FAM13A: variants seen among roughly 807,000 people sequenced by gnomAD.
FAM13A encodes family with sequence similarity 13 member A.
FAM13A carries 76 observed loss-of-function variants against 129.6 expected under a neutral mutation model. The ratio of observed to expected loss-of-function variants is 0.59; its 90% CI spans 0.49 to 0.71. The LOEUF (loss-of-function observed/expected upper bound fraction) is 0.71. Among genes scored for constraint, FAM13A ranks in the 30% least tolerant of loss-of-function variants. The pLI is 0.00. For missense variants in FAM13A, 1,108 were observed against 1,249.3 expected (o/e 0.89, Z 1.70); for synonymous variants, 443 against 449.9 (o/e 0.98, Z 0.20).
intron 1 of FAM13A, among the ~76,000 whole-genome samples, chr4:89,048,714 C>T (rs908414216): frequency 6.6e-6 from 1 of 152,040 alleles, no homozygotes; most frequent in African/African-American, 2.4e-5. Context: ...ATTCCATATT[C>T]CTCAGTCTAA....
chr4:88,984,363 G>A (rs1761990168), intron 4 of FAM13A, among the ~76,000 whole-genome samples: 1 of 151,498 alleles, frequency 6.6e-6, no homozygotes, highest in South Asian at 2.1e-4. Context: ...GCAACTTATA[G>A]AATAGAAGAA....
intron 4 of FAM13A, among the ~76,000 whole-genome samples, chr4:88,947,304 G>A (rs1756064112): frequency 6.6e-6 from 1 of 152,168 alleles, no homozygotes; most frequent in Admixed American, 6.5e-5. Context: ...CCAGCTACTT[G>A]GGAGGCTAAA....
chr4:88,788,613 A>C (rs1462529326), intron 9 of FAM13A, among the ~76,000 whole-genome samples: 1 of 152,196 alleles, frequency 6.6e-6, no homozygotes, highest in African/African-American at 2.4e-5. Context: ...ACACATAAGC[A>C]CAAAGTGCTG....
At chr4:88,771,497 T>G (rs577827538) in intron 11 of FAM13A, among the ~76,000 whole-genome samples, 10 of 152,288 alleles carry the variant, frequency 6.6e-5, no homozygotes, top group Admixed American at 4.6e-4. Flanking sequence ...TTAAACTGTT[T>G]TATGTCCCAA....
rs967043278 is a variant in FAM13A, at chr4:88,983,102, C to A, written c.605+7871G>T. ...CAACTTGATGGCAGTTCAACTTCTG[C>A]CTAATCCTACCTTCCTCTGTTCCTT... On this transcript the variant is annotated intron_variant, in intron 4 of 23. Transcript: ENST00000264344. Among the ~76,000 whole-genome samples the A allele has an allele frequency of 2.0e-5, 3 of 152,098 alleles. No homozygotes were observed. In the South Asian group the frequency reaches 6.2e-4, roughly 32 times the overall value.
At chr4:88,786,930 G>A (rs1043538488) in intron 10 of FAM13A, among the ~76,000 whole-genome samples, 3 of 151,814 alleles carry the variant, frequency 2.0e-5, no homozygotes, top group Non-Finnish European at 4.4e-5. Context: ...GCTAGGGTCT[G>A]GTTCAGGTTA....
chr4:88,982,622 A>T (rs563222292), intron 4 of FAM13A, among the ~76,000 whole-genome samples: 1 of 152,332 alleles, frequency 6.6e-6, no homozygotes, highest in East Asian at 1.9e-4. Flanking sequence ...AAACCACTGA[A>T]AATCCAATAC....
intron 4 of FAM13A, among the ~76,000 whole-genome samples, chr4:88,952,800 T>A (rs573888805): frequency 6.6e-6 from 1 of 151,750 alleles, no homozygotes; most frequent in Non-Finnish European, 1.5e-5. Flanking sequence ...ACACAAAAAT[T>A]AGCTGGGTGT....
rs183529793 is a variant in FAM13A at position 88,842,876 on chromosome 4, G to A, written c.1007+8144C>T. On this transcript the variant is annotated intron_variant, in intron 7 of 23. Transcript: ENST00000264344. ...CAAAATTCAAGTAGTCATAGCAATTGTATTGAAGGGCAGATTTTTGTGAAT... is the reference window on the plus strand; with the variant it reads ...CAAAATTCAAGTAGTCATAGCAATTATATTGAAGGGCAGATTTTTGTGAAT... 2.6e-5 allele frequency among the ~76,000 whole-genome samples: 4 copies of A among 152,286 alleles called. No homozygotes were observed. In the East Asian group the frequency reaches 7.7e-4, roughly 29 times the overall value.
At position 89,023,954 on chromosome 4, in the gene FAM13A, T is replaced by C. The variant is rs74509864; in HGVS notation, c.218-3285A>G. ...CAGAAAAGGGGGATATTTGGATGAC[T>C]TCATGAAGCAGAGTTACTCTCATAC... On this transcript the variant is annotated intron_variant, in intron 2 of 23. Transcript: ENST00000264344. Among the ~76,000 whole-genome samples the C allele has an allele frequency of 4.7e-3, 712 of 152,332 alleles. 8 individuals carry two copies. The highest frequency in any genetic ancestry group is 0.016 in the African/African-American group (665 of 41,570).
intron 14 of FAM13A, among the ~76,000 whole-genome samples, chr4:88,758,386 C>T (rs369908761): frequency 4.7e-4 from 71 of 152,030 alleles, no homozygotes; most frequent in African/African-American, 1.5e-3. Context: ...GTGGGAGGAT[C>T]GCGCCACAGA....
intron 11 of FAM13A, among the ~76,000 whole-genome samples, chr4:88,770,051 C>G (rs1720325332): frequency 6.6e-6 from 1 of 152,064 alleles, no homozygotes; most frequent in African/African-American, 2.4e-5. Context: ...AAGACACTGT[C>G]CCAAAAACAG....
chr4:88,935,885 A>G (rs575212417), intron 5 of FAM13A, among the ~76,000 whole-genome samples: 22 of 152,274 alleles, frequency 1.4e-4, no homozygotes, highest in African/African-American at 3.9e-4. Context: ...CCCTTGTCAC[A>G]TTCTCTACTT....
chr4:88,822,963 A>G (rs1288494400), intron 7 of FAM13A: 1 of 1,612,068 alleles, frequency 6.2e-7, no homozygotes. Flanking sequence ...AAAATAAAAT[A>G]GGAAAATACT....
At chr4:88,893,333 A>C (rs931554287) in intron 6 of FAM13A, among the ~76,000 whole-genome samples, 1 of 152,094 alleles carries the variant, frequency 6.6e-6, no homozygotes, top group Admixed American at 6.6e-5. Context: ...GTACAATAAG[A>C]AACAGTTCAG....
At chr4:89,011,707 T>C (rs1765759634) in intron 3 of FAM13A, among the ~76,000 whole-genome samples, 1 of 152,218 alleles carries the variant, frequency 6.6e-6, no homozygotes, top group Non-Finnish European at 1.5e-5. Flanking sequence ...ACCGTGTTTT[T>C]GCTCATGTCC....
intron 8 of FAM13A, among the ~76,000 whole-genome samples, chr4:88,798,054 T>A (rs1726589742): frequency 6.6e-6 from 1 of 152,188 alleles, no homozygotes; most frequent in Non-Finnish European, 1.5e-5. Context: ...CCTGGGAAGG[T>A]AGATTGTTCT....
intron 6 of FAM13A, among the ~76,000 whole-genome samples, chr4:88,874,645 A>C (rs916237869): frequency 3.3e-5 from 5 of 152,238 alleles, no homozygotes; most frequent in African/African-American, 1.2e-4. Context: ...AAAAGAAGAC[A>C]CAAACAAATG....
chr4:88,999,832 C>A (rs543600466), intron 3 of FAM13A, among the ~76,000 whole-genome samples: 1 of 152,174 alleles, frequency 6.6e-6, no homozygotes. Context: ...GGGCAGAGCT[C>A]TAAGTGGCTA....
Sources: allele counts gnomAD v4.1 joint callset (sites outside exome capture counted in the v4.1 genomes callset), GRCh38; gene constraint gnomAD v4.1.1; transcripts MANE v1.5; gene names NCBI Gene and HGNC (gene_info 2026-07-23, HGNC 2026-07-21).